Variants in CELF4 observed in about 807,000 individuals in gnomAD.
The protein encoded by CELF4 is CUG-BP- and ETR-3-like factor 4.
CELF4 carries 18 observed loss-of-function variants against 59.9 expected under a neutral mutation model. The ratio of observed to expected loss-of-function variants is 0.30; its 90% confidence interval spans 0.21 to 0.45. The LOEUF is 0.45. Among genes scored for constraint, CELF4 ranks in the 20% least tolerant of loss-of-function variants. The pLI, the probability that CELF4 is intolerant of heterozygous loss-of-function variation, is 1.00. For missense variants in CELF4, 456 were observed against 689.0 expected (o/e 0.66, Z 3.79); for synonymous variants, 261 against 267.1 (o/e 0.98, Z 0.22).
intron 2 of CELF4, among the ~76,000 whole-genome samples, chr18:37,348,221 A>T (rs1603623429): frequency 6.9e-6 from 1 of 145,940 alleles, no homozygotes; most frequent in Non-Finnish European, 1.5e-5. Flanking sequence ...TCTTAGCCAC[A>T]ATTTCCCCAC....
rs116505078 is a variant in CELF4 at position 37,508,807 on chromosome 18, G to C, written c.287-23200C>G. Among the ~76,000 whole-genome samples, 974 of 152,330 alleles carry C rather than the reference G, an allele frequency of 6.4e-3. 12 individuals are homozygous for C. Among genetic ancestry groups the C allele is most frequent in the African/African-American group, 0.022 (935 of 41,578 alleles). On this transcript the variant is annotated intron_variant, in intron 1 of 12. Transcript: ENST00000420428. ...GAGGGGTGGTGGAAGCAGGAGGGAGGCCTCTTCCCTCTGAGCCAAGCCAGT... is the reference window on the plus strand; with the variant it reads ...GAGGGGTGGTGGAAGCAGGAGGGAGCCCTCTTCCCTCTGAGCCAAGCCAGT...
chr18:37,344,641 A>T (rs2098182216), intron 2 of CELF4, among the ~76,000 whole-genome samples: 1 of 152,258 alleles, frequency 6.6e-6, no homozygotes, highest in African/African-American at 2.4e-5. Flanking sequence ...CAGAGTCACC[A>T]TGCATATGTG....
At chr18:37,388,769 C>A (rs913449703) in intron 2 of CELF4, among the ~76,000 whole-genome samples, 4 of 152,162 alleles carry the variant, frequency 2.6e-5, no homozygotes, top group Admixed American at 2.6e-4. Flanking sequence ...GGATGCCTCC[C>A]GAGCATGCCC....
Position 37,270,921 on chromosome 18 carries a change from G to A in CELF4, c.950-4C>T, listed in dbSNP as rs375599257. On this transcript the variant is annotated splice_polypyrimidine_tract_variant and splice_region_variant and intron_variant, in intron 7 of 12. Coordinates refer to ENST00000420428, the MANE Select transcript of CELF4 (RefSeq NM_020180.4). Reference sequence around the variant, plus strand: ...ATGCCCGGAGGGGTGCTGCCACCTGGTTCCAGGCATACAGAAGGGTGGAGG... The same window carrying A: ...ATGCCCGGAGGGGTGCTGCCACCTGATTCCAGGCATACAGAAGGGTGGAGG... 5 of 1,601,794 alleles carry A rather than the reference G, an allele frequency of 3.1e-6. No homozygotes were observed. Among genetic ancestry groups the A allele is most frequent in the Non-Finnish European group, 4.3e-6 (5 of 1,173,542 alleles).
chr18:37,324,103 C>T (rs938638094), intron 2 of CELF4, among the ~76,000 whole-genome samples: 1 of 152,120 alleles, frequency 6.6e-6, no homozygotes, highest in African/African-American at 2.4e-5. Flanking sequence ...CACATCCTGG[C>T]ACCTTCCTCC....
At chr18:37,465,617 G>T (rs527437379) in intron 2 of CELF4, among the ~76,000 whole-genome samples, 1 of 152,206 alleles carries the variant, frequency 6.6e-6, no homozygotes, top group African/African-American at 2.4e-5. Context: ...GCCCAGAGCT[G>T]GGATGGCTCT....
chr18:37,531,382 G>T (rs1158156412), intron 1 of CELF4, among the ~76,000 whole-genome samples: 1 of 152,072 alleles, frequency 6.6e-6, no homozygotes, highest in Non-Finnish European at 1.5e-5. Flanking sequence ...GCTCTTTCTC[G>T]ATGCTTCACA....
intron 2 of CELF4, among the ~76,000 whole-genome samples, chr18:37,341,218 G>C (rs1569567025): frequency 6.6e-6 from 1 of 152,184 alleles, no homozygotes; most frequent in Non-Finnish European, 1.5e-5. Context: ...GTCCTCCCAG[G>C]GGGCCTTGGA....
chr18:37,539,448 G>GACACACACAC (rs35598472), intron 1 of CELF4, among the ~76,000 whole-genome samples: 1 of 134,680 alleles, frequency 7.4e-6, no homozygotes, highest in Admixed American at 8.1e-5. Flanking sequence ...GCACCTCTAA[G>GACACACACAC]ACACACACAC....
rs560550331 is a variant in CELF4 at position 37,402,494 on chromosome 18, C to T, written c.370-80613G>A. ...CTGGGTGGACCCCCCTCTTCTTGTC[C>T]TTGTGTTCTGAGTGGGAGCCCCTTC... On this transcript the variant is annotated intron_variant, in intron 2 of 12. Coordinates refer to ENST00000420428, the MANE Select transcript of CELF4 (RefSeq NM_020180.4). 4.6e-4 allele frequency among the ~76,000 whole-genome samples: 70 copies of T among 152,178 alleles called. No individual in the cohort carries two copies. In the South Asian group the frequency reaches 5.6e-3, roughly 12 times the overall value.
intron 3 of CELF4, among the ~76,000 whole-genome samples, chr18:37,277,579 A>G (rs2093526070): frequency 6.6e-6 from 1 of 152,166 alleles, no homozygotes; most frequent in African/African-American, 2.4e-5. Flanking sequence ...AGAGAATCAG[A>G]GGCAAAGAGC....
chr18:37,561,414 T>G (rs2154606302), intron 1 of CELF4, among the ~76,000 whole-genome samples: 1 of 152,358 alleles, frequency 6.6e-6, no homozygotes, highest in South Asian at 2.1e-4. Context: ...CGTTAATTCA[T>G]AAATATTATA....
chr18:37,437,954 T>A (rs2099698551), intron 2 of CELF4, among the ~76,000 whole-genome samples: 1 of 151,826 alleles, frequency 6.6e-6, no homozygotes, highest in South Asian at 2.1e-4. Flanking sequence ...GCCCTCATGA[T>A]GAGATTAGTT....
chr18:37,525,001 C>T (rs1240753737), intron 1 of CELF4, among the ~76,000 whole-genome samples: 1 of 152,232 alleles, frequency 6.6e-6, no homozygotes, highest in Non-Finnish European at 1.5e-5. Flanking sequence ...CTTCTCTCTC[C>T]GCCTGCCCTC....
chr18:37,400,277 CAT>C (rs1228091809), intron 2 of CELF4, among the ~76,000 whole-genome samples: 3 of 152,188 alleles, frequency 2.0e-5, no homozygotes, highest in Non-Finnish European at 2.9e-5. Context: ...CCCACAATCA[CAT>C]GTGCCAATTC....
intron 3 of CELF4, among the ~76,000 whole-genome samples, chr18:37,320,603 A>T (rs2097076705): frequency 2.6e-5 from 4 of 151,996 alleles, no homozygotes; most frequent in East Asian, 3.9e-4. Flanking sequence ...GATGGTGGAG[A>T]GGACAGAGTC....
At chr18:37,307,498 C>T (rs970487437) in intron 3 of CELF4, among the ~76,000 whole-genome samples, 1 of 152,180 alleles carries the variant, frequency 6.6e-6, no homozygotes, top group African/African-American at 2.4e-5. Flanking sequence ...TCCCCCACCA[C>T]CACAGCGGCC....
At chr18:37,532,510 G>T (rs1291729502) in intron 1 of CELF4, among the ~76,000 whole-genome samples, 1 of 152,128 alleles carries the variant, frequency 6.6e-6, no homozygotes, top group Non-Finnish European at 1.5e-5. Flanking sequence ...ACATTTAAGA[G>T]AAATGATGAT....
intron 3 of CELF4, among the ~76,000 whole-genome samples, chr18:37,283,053 G>A (rs72900347): frequency 0.16 from 24,199 of 151,914 alleles, 2,273 homozygotes; most frequent in Middle Eastern, 0.23. Context: ...GCTCTTCCCC[G>A]CCCCCAAGGA....
Sources: gnomAD v4.1 joint callset for allele counts (sites outside exome capture counted in the v4.1 genomes callset) on GRCh38, gnomAD v4.1.1 for gene constraint, MANE v1.5 for transcripts, NCBI Gene and HGNC (gene_info 2026-07-23, HGNC 2026-07-21) for gene names.